BCR: variants seen among roughly 807,000 people sequenced by gnomAD.
BCR encodes breakpoint cluster region protein.
BCR carries 58 observed loss-of-function variants against 138.6 expected under a neutral mutation model. The ratio of observed to expected loss-of-function variants is 0.42; its 90% CI spans 0.34 to 0.52. The LOEUF is 0.52. BCR is among the 20% of genes least tolerant of loss of function. BCR has a pLI of 0.06. For missense variants in BCR, 1,599 were observed against 1,727.2 expected, an observed-to-expected ratio of 0.93 and a Z score of 1.32; for synonymous variants, 786 against 730.1, an observed-to-expected ratio of 1.08 and a Z score of -1.23.
At chr22:23,235,243 C>A (rs1436408035) in intron 1 of BCR, among the ~76,000 whole-genome samples, 1 of 144,042 alleles carries the variant, frequency 6.9e-6, no homozygotes, top group Non-Finnish European at 1.6e-5. Context: ...ATGCACCCAG[C>A]TAATTTTTGT....
intron 5 of BCR, among the ~76,000 whole-genome samples, chr22:23,269,748 C>T (rs1312712129): frequency 1.3e-5 from 2 of 152,212 alleles, no homozygotes; most frequent in African/African-American, 4.8e-5. Flanking sequence ...GAGCAACCCT[C>T]CTCCCCCACA....
At chr22:23,202,687 C>T (rs970563743) in intron 1 of BCR, among the ~76,000 whole-genome samples, 2 of 151,018 alleles carry the variant, frequency 1.3e-5, no homozygotes, top group African/African-American at 4.9e-5. Flanking sequence ...TTCAGAACCC[C>T]TTCCTTTTTA....
intron 1 of BCR, among the ~76,000 whole-genome samples, chr22:23,192,551 C>T (rs1286196941): frequency 6.6e-6 from 1 of 152,222 alleles, no homozygotes; most frequent in African/African-American, 2.4e-5. Flanking sequence ...TAGTCTGGGT[C>T]TTGAAGGTGT....
chr22:23,181,043 T>G lies in BCR; in HGVS notation c.83T>G (p.Val28Gly). ...CCCCCGCGCATGGAGCTGCGCTCAG[T>G]GGGCGACATCGAGCAGGAGCTGGAG... ...SEPPRMELRS[V>G]GDIEQELERC... Residue 28 changes from valine (V) to glycine (G), a missense_variant, in exon 1 of 23, where the codon GTG (valine) becomes GGG (glycine). Val to Gly is a moderately radical substitution (Grantham distance 109). Transcript: ENST00000305877. 1 of 1,521,526 alleles carries G rather than the reference T, an allele frequency of 6.6e-7. No individual in the cohort carries two copies. The highest frequency in any genetic ancestry group is 1.2e-5 in the South Asian group (1 of 81,690). 94.3% of individuals were successfully genotyped at this position (1,521,526 alleles called of 1,614,324 possible). A position where few individuals can be genotyped will look rare whatever the true frequency, so the allele number is the denominator to read the frequency against.
chr22:23,183,060 C>T (rs142589404), intron 1 of BCR, among the ~76,000 whole-genome samples: 128 of 152,332 alleles, frequency 8.4e-4, no homozygotes, highest in African/African-American at 3.0e-3. Flanking sequence ...GATAAGCACC[C>T]ACAGGTGCTT....
chr22:23,287,149 C>A lies in BCR; in HGVS notation c.2407-10C>A. 2 of 1,575,702 alleles carry A rather than the reference C, an allele frequency of 1.3e-6. No individual in the cohort carries two copies. Among genetic ancestry groups the A allele is most frequent in the African/African-American group, 1.3e-5 (1 of 74,370 alleles). The stretch of plus-strand genomic sequence containing the variant: ...GAATGGGAAGGTGAGGCTGTGGCAT[C>A]TCCCCACAGAGGGCGAACAAGGGCA... On this transcript the variant is annotated splice_polypyrimidine_tract_variant and intron_variant, in intron 10 of 22. Transcript: ENST00000305877.
chr22:23,282,042 A>C (rs925621032), intron 8 of BCR, among the ~76,000 whole-genome samples: 2 of 152,190 alleles, frequency 1.3e-5, no homozygotes, highest in Non-Finnish European at 2.9e-5. Flanking sequence ...TGTATGGAGA[A>C]GGCTGCCATC....
chr22:23,185,317 C>T (rs1448118314), intron 1 of BCR, among the ~76,000 whole-genome samples: 1 of 152,178 alleles, frequency 6.6e-6, no homozygotes, highest in East Asian at 1.9e-4. Flanking sequence ...AGTCTTTGCA[C>T]CCTGGGCCCG....
chr22:23,266,767 C>G (rs1224162523), intron 4 of BCR, among the ~76,000 whole-genome samples: 3 of 152,238 alleles, frequency 2.0e-5, no homozygotes, highest in Non-Finnish European at 1.5e-5. Context: ...CGTAACAGCA[C>G]CACAGCAGCG....
At chr22:23,256,990 G>A (rs77708594) in intron 2 of BCR, among the ~76,000 whole-genome samples, 3,693 of 151,978 alleles carry the variant, frequency 0.024, 68 homozygotes, top group Non-Finnish European at 0.027. Context: ...CTTTACCTCC[G>A]GCTTCCTACC....
At position 23,237,709 on chromosome 22, in the gene BCR, G is replaced by C. The variant is rs78584797; in HGVS notation, c.1280-16090G>C. Among the ~76,000 whole-genome samples, 1,272 of 152,334 alleles carry C rather than the reference G, an allele frequency of 8.4e-3. 21 individuals are homozygous for C. The highest frequency in any genetic ancestry group is 0.029 in the African/African-American group (1,221 of 41,580). On this transcript the variant is annotated intron_variant, in intron 1 of 22. Transcript: ENST00000305877. ...GGGTCAGCTTTGGGCTGCTGAGACG[G>C]GCGGCGTGAAGGCCGGCTTCCAGAG... is the stretch of plus-strand genomic sequence containing the variant.
intron 22 of BCR, 31 bp from the exon 23 acceptor site, chr22:23,315,402 C>T (rs2074058771): frequency 1.9e-6 from 3 of 1,605,636 alleles, no homozygotes; most frequent in African/African-American, 1.3e-5. Context: ...CGCTCTGAGC[C>T]ACTCTTCTCT....
In BCR at chr22:23,261,558, G is replaced by T. The variant is rs778098097; in HGVS notation, c.1752+18G>T. ...AGAAGCTGGTGAGTAACCCAGGGCC[G>T]GTGCTGGGACTACAGGCGTGTACCA... On this transcript the variant is annotated intron_variant, in intron 4 of 22. Transcript: ENST00000305877. The T allele has an allele frequency of 1.9e-6, 3 of 1,608,990 alleles. No individual in the cohort carries two copies. Among genetic ancestry groups the T allele is most frequent in the Non-Finnish European group, 1.7e-6 (2 of 1,179,802 alleles).
At position 23,284,061 on chromosome 22, in the gene BCR, C is replaced by T. The variant is rs775146252; in HGVS notation, c.2200C>T (p.Leu734=). Reference sequence around the variant, plus strand: ...GCGCCACGTCTTCCTGTTCACCGACCTGCTTCTCTGCACCAAGCTCAAGAA... The same window carrying T: ...GCGCCACGTCTTCCTGTTCACCGACTTGCTTCTCTGCACCAAGCTCAAGAA... ...KLRHVFLFTD[L]LLCTKLKKQS... The change falls in exon 9 of 23, where the codon CTG becomes TTG. Residue 734 remains leucine (L), a synonymous_variant. Transcript: ENST00000305877. 3.7e-6 allele frequency: 6 copies of T among 1,611,314 alleles called. No homozygotes were observed. The highest frequency in any genetic ancestry group is 1.7e-4 in the Middle Eastern group (1 of 6,056).
chr22:23,259,995 AC>A (rs1372245899), intron 2 of BCR, among the ~76,000 whole-genome samples: 1 of 152,212 alleles, frequency 6.6e-6, no homozygotes, highest in Non-Finnish European at 1.5e-5. Context: ...CTCAAAAAAA[AC>A]AAAAAAGAAT....
chr22:23,203,336 T>C (rs1415063265), intron 1 of BCR, among the ~76,000 whole-genome samples: 3 of 149,508 alleles, frequency 2.0e-5, no homozygotes, highest in African/African-American at 7.7e-5. Context: ...CCTGCTCTTT[T>C]TTGACTTTTT....
chr22:23,305,880 GT>G (rs2073950164), intron 16 of BCR, among the ~76,000 whole-genome samples: 2 of 152,076 alleles, frequency 1.3e-5, no homozygotes, highest in African/African-American at 2.4e-5. Context: ...GAGTGCCTCG[GT>G]TTTTCCCTTA....
chr22:23,249,061 G>A (rs2073190169), intron 1 of BCR, among the ~76,000 whole-genome samples: 1 of 152,182 alleles, frequency 6.6e-6, no homozygotes. Flanking sequence ...CGAGGCAGGA[G>A]GGTTGCTTGA....
chr22:23,213,900 C>T (rs546685773), intron 1 of BCR, among the ~76,000 whole-genome samples: 3 of 151,358 alleles, frequency 2.0e-5, no homozygotes, highest in Non-Finnish European at 4.4e-5. Flanking sequence ...TTGCGAGAGG[C>T]AGAGATGCGA....
Sources: allele counts gnomAD v4.1 joint callset (sites outside exome capture counted in the v4.1 genomes callset), GRCh38; gene constraint gnomAD v4.1.1; transcripts MANE v1.5; gene names NCBI Gene and HGNC (gene_info 2026-07-23, HGNC 2026-07-21).